Variants in SKA2 observed in about 807,000 individuals in gnomAD.
The protein encoded by SKA2 is spindle and kinetochore associated complex subunit 2.
A neutral mutation model predicts 16.9 loss-of-function variants in SKA2; 13 were observed. The observed-to-expected ratio is 0.77, with a 90% CI of 0.50 to 1.22. SKA2 has a LOEUF of 1.22. SKA2 is among the 50% of genes most tolerant of loss of function. The pLI, the probability that SKA2 is intolerant of heterozygous loss-of-function variation, is 0.00. For synonymous variants in SKA2, 47 were observed against 48.5 expected, an observed-to-expected ratio of 0.97 and a Z score of 0.13; for missense variants, 107 against 139.7, an observed-to-expected ratio of 0.77 and a Z score of 1.18.
intron 2 of SKA2, among the ~76,000 whole-genome samples, chr17:59,130,854 T>C (rs1279007171): frequency 2.0e-5 from 3 of 152,192 alleles, no homozygotes; most frequent in Non-Finnish European, 4.4e-5. Context: ...ATTAAATAGA[T>C]AGCTTTATCT....
At chr17:59,118,742 C>T (rs991965049) in intron 3 of SKA2, among the ~76,000 whole-genome samples, 8 of 152,118 alleles carry the variant, frequency 5.3e-5, no homozygotes, top group East Asian at 1.9e-4. Flanking sequence ...ATCATTTTAT[C>T]GTTCTAAGCA....
chr17:59,140,777 A>T (rs1188624779), intron 1 of SKA2, among the ~76,000 whole-genome samples: 15 of 129,930 alleles, frequency 1.2e-4, no homozygotes, highest in Middle Eastern at 4.1e-3. Flanking sequence ...CACCCGCCTA[A>T]TTTTTTTTTT....
intron 1 of SKA2, among the ~76,000 whole-genome samples, chr17:59,141,410 A>T (rs1430438626): frequency 5.9e-5 from 9 of 151,674 alleles, no homozygotes; most frequent in Non-Finnish European, 5.9e-5. Context: ...TAAATAAATA[A>T]ATAGATAAAT....
At chr17:59,133,108 C>T (rs778891659) in intron 1 of SKA2, among the ~76,000 whole-genome samples, 17 of 152,278 alleles carry the variant, frequency 1.1e-4, no homozygotes, top group Admixed American at 2.6e-4. Flanking sequence ...CCGAGTGCAC[C>T]TGGGACTACA....
In SKA2 at chr17:59,132,282, G is replaced by A. The variant is rs138978538; in HGVS notation, c.34-915C>T. ...GAGGCAGGAGAATCGCTTGAACCCC[G>A]GAGGTGGAGGCTGCAGTAAGCCAAG... On this transcript the variant is annotated intron_variant, in intron 1 of 3. Transcript: ENST00000330137. Among the ~76,000 whole-genome samples, 452 of 152,194 alleles carry A rather than the reference G, an allele frequency of 3.0e-3. 2 individuals carry two copies. Among genetic ancestry groups the A allele is most frequent in the African/African-American group, 0.01 (431 of 41,516 alleles).
intron 3 of SKA2, among the ~76,000 whole-genome samples, chr17:59,116,731 G>C: frequency 6.9e-6 from 1 of 145,894 alleles, no homozygotes; most frequent in East Asian, 2.1e-4. Flanking sequence ...TTGTTCCCCA[G>C]ATAATTTTAA....
At chr17:59,123,056 A>G (rs1319140334) in intron 2 of SKA2, among the ~76,000 whole-genome samples, 1 of 151,026 alleles carries the variant, frequency 6.6e-6, no homozygotes, top group Admixed American at 6.6e-5. Flanking sequence ...AAAAGAAAAG[A>G]AAAACTAAGC....
At chr17:59,120,501 G>A (rs904506466) in intron 2 of SKA2, among the ~76,000 whole-genome samples, 1 of 151,280 alleles carries the variant, frequency 6.6e-6, no homozygotes, top group Middle Eastern at 3.6e-3. Flanking sequence ...TCCTGCATCA[G>A]CCTCCCAAAG....
chr17:59,122,887 C>T (rs1184712671), intron 2 of SKA2, among the ~76,000 whole-genome samples: 3 of 151,612 alleles, frequency 2.0e-5, no homozygotes, highest in South Asian at 2.1e-4. Flanking sequence ...CCTCCCAAAG[C>T]GCTGGGATTA....
intron 1 of SKA2, among the ~76,000 whole-genome samples, chr17:59,134,285 T>C (rs1037720851): frequency 6.6e-6 from 1 of 152,198 alleles, no homozygotes; most frequent in Non-Finnish European, 1.5e-5. Context: ...TCTTAATTAC[T>C]GAACAGACCA....
chr17:59,148,282 A>G (rs2046549357), intron 1 of SKA2, among the ~76,000 whole-genome samples: 1 of 152,224 alleles, frequency 6.6e-6, no homozygotes, highest in Non-Finnish European at 1.5e-5. Context: ...TATTGCTAAC[A>G]TAACAATTCT....
chr17:59,117,551 G>C (rs895721711), intron 3 of SKA2, among the ~76,000 whole-genome samples: 6 of 151,414 alleles, frequency 4.0e-5, no homozygotes, highest in African/African-American at 1.5e-4. Context: ...CCCATGCCCA[G>C]TAAATTTAAA....
At chr17:59,125,295 G>A (rs2147801308) in intron 2 of SKA2, among the ~76,000 whole-genome samples, 1 of 151,408 alleles carries the variant, frequency 6.6e-6, no homozygotes, top group East Asian at 2.0e-4. Context: ...CCGGCCAGGA[G>A]CCTCTACGAT....
At chr17:59,119,970 G>T (rs1005971163) in intron 2 of SKA2, among the ~76,000 whole-genome samples, 1 of 150,228 alleles carries the variant, frequency 6.7e-6, no homozygotes, top group Non-Finnish European at 1.5e-5. Flanking sequence ...GTGCAGTGGC[G>T]CAATCTCAGC....
intron 1 of SKA2, among the ~76,000 whole-genome samples, chr17:59,138,774 G>A (rs925432928): frequency 6.6e-6 from 1 of 152,128 alleles, no homozygotes; most frequent in African/African-American, 2.4e-5. Context: ...AAGGCTTTAA[G>A]TAAGTGGCAC....
chr17:59,149,955 G>C (rs934809917), intron 1 of SKA2, among the ~76,000 whole-genome samples: 5 of 152,186 alleles, frequency 3.3e-5, no homozygotes, highest in Admixed American at 2.0e-4. Context: ...TACTGGGCTC[G>C]AGTGATCTTC....
At chr17:59,114,554 C>A (rs1199544796) in intron 3 of SKA2, among the ~76,000 whole-genome samples, 8 of 152,136 alleles carry the variant, frequency 5.3e-5, no homozygotes, top group Admixed American at 5.2e-4. Flanking sequence ...CTATTATAAT[C>A]TTCTGGGACC....
chr17:59,150,135 T>C (rs1236260049), intron 1 of SKA2, among the ~76,000 whole-genome samples: 1 of 152,194 alleles, frequency 6.6e-6, no homozygotes, highest in East Asian at 1.9e-4. Context: ...CACACCCCTG[T>C]AGTCCAAGCT....
At chr17:59,152,977 A>G (rs553971088) in intron 1 of SKA2, among the ~76,000 whole-genome samples, 1 of 152,316 alleles carries the variant, frequency 6.6e-6, no homozygotes, top group South Asian at 2.1e-4. Context: ...TTCAAACAAT[A>G]CCTAAAAGTT....
Sources: allele counts gnomAD v4.1 joint callset (sites outside exome capture counted in the v4.1 genomes callset), GRCh38; gene constraint gnomAD v4.1.1; transcripts MANE v1.5; gene names NCBI Gene and HGNC (gene_info 2026-07-23, HGNC 2026-07-21).